Variants in FGG observed in about 807,000 individuals in gnomAD.
The protein encoded by FGG is fibrinogen gamma chain.
FGG carries 20 observed loss-of-function variants against 51.7 expected under a neutral mutation model. The observed-to-expected ratio is 0.39, with a 90% CI of 0.27 to 0.56. The LOEUF is 0.56. Ranked by LOEUF, FGG falls within the 20% of genes least tolerant of loss-of-function variation. The probability of loss-of-function intolerance (pLI) is 0.64; values close to 1 mark genes in which losing one functional copy is unlikely to be tolerated. For missense variants in FGG, 460 were observed against 534.2 expected (o/e 0.86, Z 1.37); for synonymous variants, 184 against 184.7 (o/e 1.00, Z 0.03).
chr4:154,605,573 G>C (rs1170253452), intron 8 of FGG, among the ~76,000 whole-genome samples: 1 of 152,136 alleles, frequency 6.6e-6, no homozygotes, highest in Non-Finnish European at 1.5e-5. Flanking sequence ...TAGGGAAGCA[G>C]ATCTCATGTA....
At chr4:154,609,589 T>C (rs760299733) in intron 6 of FGG, 41 bp downstream of exon 6, 1 of 1,611,996 alleles carries the variant, frequency 6.2e-7, no homozygotes, top group East Asian at 2.2e-5. Flanking sequence ...GCAGAAACAA[T>C]GTAGGAATTT....
intron 8 of FGG, among the ~76,000 whole-genome samples, 164 bp downstream of exon 8, chr4:154,606,541 T>C (rs1312894718): frequency 6.6e-6 from 1 of 152,202 alleles, no homozygotes; most frequent in Non-Finnish European, 1.5e-5. Context: ...ATGAACTTGG[T>C]ATTATCCACT....
intron 4 of FGG, 103 bp from the exon 5 acceptor site, chr4:154,610,300 T>C: frequency 1.2e-6 from 1 of 852,396 alleles, no homozygotes; most frequent in Non-Finnish European, 1.8e-6. Context: ...AAGTATTTTC[T>C]TAAGAAGTGC....
At chr4:154,606,605 C>T in intron 8 of FGG, 100 bp downstream of exon 8, 1 of 1,317,650 alleles carries the variant, frequency 7.6e-7, no homozygotes, top group East Asian at 2.5e-5. Flanking sequence ...TCCCTACTAT[C>T]TTTATAAATT....
chr4:154,612,533 G>C lies in FGG; in HGVS notation c.77C>G (p.Ala26Gly). Residue 26 changes from alanine to glycine, a missense_variant and splice_region_variant, in exon 1 of 9, where the codon GCA becomes GGA. Physicochemically the swap from Ala to Gly is moderately conservative, Grantham distance 60. Transcript: ENST00000336098. ...ACGTTTTGTGAAGAGCACACTTACTGCTACACATGTTGAAGAGAGAAATAA... is the reference window on the plus strand; with the variant it reads ...ACGTTTTGTGAAGAGCACACTTACTCCTACACATGTTGAAGAGAGAAATAA... ...ALLFLSSTCV[A>G]YVATRDNCCI... 1 of 1,613,938 alleles carries C rather than the reference G, an allele frequency of 6.2e-7. No homozygotes were observed.
intron 7 of FGG, among the ~76,000 whole-genome samples, chr4:154,608,158 A>G (rs1182848802): frequency 4.6e-5 from 7 of 152,234 alleles, no homozygotes; most frequent in African/African-American, 1.7e-4. Flanking sequence ...TTCATGAAAT[A>G]GTAATTTAGA....
chr4:154,606,067 C>T (rs773487573), intron 8 of FGG, among the ~76,000 whole-genome samples: 1 of 152,060 alleles, frequency 6.6e-6, no homozygotes, highest in Non-Finnish European at 1.5e-5. Flanking sequence ...CCAAATAATG[C>T]CATTATTGTA....
rs142224295 is a variant in FGG at position 154,612,112 on chromosome 4, G to A, written c.213C>T (p.Asp71=). The A allele has an allele frequency of 5.3e-5, 85 of 1,612,416 alleles. No homozygotes were observed. The highest frequency in any genetic ancestry group is 6.7e-5 in the Non-Finnish European group (79 of 1,179,636). The change falls in exon 3 of 9, where the codon GAC becomes GAT. Residue 71 remains aspartate (D), a synonymous_variant. Transcript: ENST00000336098. ...TTTTGTTTTCAACTTGATGTAAGATGTCTTCCAAAGACTGTAGATCCTTGT... is the reference window on the plus strand; with the variant it reads ...TTTTGTTTTCAACTTGATGTAAGATATCTTCCAAAGACTGTAGATCCTTGT... ...KVDKDLQSLE[D]ILHQVENKTS...
chr4:154,604,532 A>G lies in FGG; in HGVS notation c.*302T>C. ...CATACTAAAATATTTGATATAATGA[A>G]AATAATTTACGAAGACAAAATAAAT... On this transcript the variant is annotated 3_prime_UTR_variant, in exon 9 of 9. Coordinates refer to ENST00000336098, the MANE Select transcript of FGG (RefSeq NM_021870.3). The G allele has an allele frequency of 2.7e-6, 3 of 1,127,202 alleles. No individual in the cohort carries two copies. Among genetic ancestry groups the G allele is most frequent in the Non-Finnish European group, 3.6e-6 (3 of 844,284 alleles). The allele number at this position is 1,127,202 out of a possible 1,614,324, so 69.8% of individuals were successfully genotyped here.
chr4:154,609,489 G>C, intron 6 of FGG, 141 bp downstream of exon 6: 1 of 987,134 alleles, frequency 1.0e-6, no homozygotes, highest in Non-Finnish European at 1.5e-6. Flanking sequence ...TCTGTAAATA[G>C]GAGTAACAGA....
chr4:154,612,219 A>G lies in FGG; in HGVS notation c.124-18T>C, dbSNP rs369141408. On this transcript the variant is annotated intron_variant, in intron 2 of 8. Coordinates refer to ENST00000336098, the MANE Select transcript of FGG (RefSeq NM_021870.3). ...TAACTACCCTGAAAATATAACAGTGATTAAAAATGTAGACAGATGCTACTC... is the reference window on the plus strand; with the variant it reads ...TAACTACCCTGAAAATATAACAGTGGTTAAAAATGTAGACAGATGCTACTC... 8.5e-5 allele frequency: 136 copies of G among 1,608,768 alleles called. No individual in the cohort carries two copies. Among genetic ancestry groups the G allele is most frequent in the Non-Finnish European group, 1.1e-4 (134 of 1,177,044 alleles).
intron 3 of FGG, 60 bp from the exon 4 acceptor site, chr4:154,611,958 G>A: frequency 6.2e-7 from 1 of 1,603,496 alleles, no homozygotes; most frequent in South Asian, 1.1e-5. Context: ...TAAAACAACA[G>A]CAAAAGAACT....
Position 154,604,948 on chromosome 4 carries a change from G to A in FGG, c.1248C>T (p.Asn416=), listed in dbSNP as rs1231562438. ...KKTTMKIIPF[N]RLTIGEGQQH... is the part of the protein sequence containing the mutation. ...GCTGTCCTTCTCCAATTGTGAGTCT[G>A]TTGAATGGGATTATCTTCATAGTGG... Residue 416 remains asparagine (N), a synonymous_variant, in exon 9 of 9, where the codon AAC becomes AAT. Transcript: ENST00000336098. 10 of 1,613,968 alleles carry A rather than the reference G, an allele frequency of 6.2e-6. No individual in the cohort carries two copies. In the East Asian group the frequency reaches 8.9e-5, roughly 14 times the overall value.
intron 7 of FGG, 68 bp from the exon 8 acceptor site, chr4:154,607,050 G>A (rs773189858): frequency 3.1e-5 from 46 of 1,490,710 alleles, no homozygotes; most frequent in South Asian, 1.6e-4. Context: ...TCCCTCTTTC[G>A]TAGGATGCTT....
chr4:154,611,737 C>G (rs1225691380), intron 4 of FGG, 68 bp downstream of exon 4: 2 of 1,044,496 alleles, frequency 1.9e-6, no homozygotes, highest in Admixed American at 2.2e-5. Flanking sequence ...ATTACTTTCA[C>G]TCAAGTATAG....
In FGG at chr4:154,604,876, C is replaced by G; in HGVS notation, c.1320G>C (p.Ala440=). 1 of 1,614,006 alleles carries G rather than the reference C, an allele frequency of 6.2e-7. No homozygotes were observed. Among genetic ancestry groups the G allele is most frequent in the Non-Finnish European group, 8.5e-7 (1 of 1,179,946 alleles). The change falls in exon 9 of 9, where the codon GCG becomes GCC. Residue 440 remains alanine, a synonymous_variant. Coordinates refer to ENST00000336098, the MANE Select transcript of FGG (RefSeq NM_021870.3). ...GGTAAAGTGAGTCATATTCTGTTTC[C>G]GCAGGGTGCTCTGGTCTGACCTGTT... The part of the protein sequence containing the change: ...GAKQVRPEHP[A]ETEYDSLYPE...
Position 154,604,616 on chromosome 4 carries a change from A to G in FGG, c.*218T>C. ...TCATTTTATTATTATATATTTAGGA[A>G]CAAAGTTGAAATGTTATCTCCTCAA... On this transcript the variant is annotated 3_prime_UTR_variant, in exon 9 of 9. Coordinates refer to ENST00000336098, the MANE Select transcript of FGG (RefSeq NM_021870.3). 1 of 1,281,084 alleles carries G rather than the reference A, an allele frequency of 7.8e-7. No homozygotes were observed. Among genetic ancestry groups the G allele is most frequent in the Non-Finnish European group, 1.0e-6 (1 of 978,676 alleles). 79.4% of individuals were successfully genotyped at this position (1,281,084 alleles called of 1,614,324 possible).
chr4:154,611,986 T>C (rs763946095), intron 3 of FGG, 32 bp downstream of exon 3: 29 of 1,608,396 alleles, frequency 1.8e-5, no homozygotes, highest in Non-Finnish European at 2.4e-5. Context: ...TTATTATTAT[T>C]ATTTTTTGGT....
rs369888820 is a variant in FGG, at chr4:154,612,049, G to A, written c.276C>T (p.Leu92=). The change falls in exon 3 of 9, where the codon CTC becomes CTT. Residue 92 remains leucine (L), a synonymous_variant. Coordinates refer to ENST00000336098, the MANE Select transcript of FGG (RefSeq NM_021870.3). ...TTGATGATTCATCAGGATTATAAGT[G>A]AGTTGGATTGCTTTTATCAGCTGTT... ...EVKQLIKAIQ[L]TYNPDESSKP... is the part of the protein sequence containing the mutation. 5 of 1,612,918 alleles carry A rather than the reference G, an allele frequency of 3.1e-6. No individual in the cohort carries two copies. The highest frequency in any genetic ancestry group is 1.1e-5 in the South Asian group (1 of 91,000).
Sources: gnomAD v4.1 joint callset for allele counts (sites outside exome capture counted in the v4.1 genomes callset) on GRCh38, gnomAD v4.1.1 for gene constraint, MANE v1.5 for transcripts, NCBI Gene and HGNC (gene_info 2026-07-23, HGNC 2026-07-21) for gene names.